The following PLEKHA5 variants were observed in gnomAD, a reference collection of about 807,000 sequenced individuals.
PLEKHA5 encodes the protein pleckstrin homology domain-containing family A member 5.
Under a neutral mutation model 181.9 loss-of-function variants are expected in PLEKHA5, and 55 were observed. The observed-to-expected ratio is 0.30, with a 90% confidence interval of 0.24 to 0.38. PLEKHA5 has a LOEUF of 0.38. Ranked by LOEUF, PLEKHA5 falls within the 10% of genes least tolerant of loss-of-function variation. The pLI is 1.00. For missense variants in PLEKHA5, 1,432 were observed against 1,549.5 expected (o/e 0.92, Z 1.27); for synonymous variants, 535 against 529.4 (o/e 1.01, Z -0.15).
chr12:19,203,247 C>T (rs1348952434), intron 3 of PLEKHA5, among the ~76,000 whole-genome samples: 1 of 151,898 alleles, frequency 6.6e-6, no homozygotes, highest in Non-Finnish European at 1.5e-5. Flanking sequence ...CTGGAATTAC[C>T]ACCTCTTTAC....
At chr12:19,302,974 T>C (rs887953220) in intron 15 of PLEKHA5, among the ~76,000 whole-genome samples, 1 of 126,294 alleles carries the variant, frequency 7.9e-6, no homozygotes, top group Admixed American at 1.0e-4. Flanking sequence ...CGGACTGGAG[T>C]GCAGCAGCGC....
chr12:19,313,795 A>G (rs1431071404), intron 15 of PLEKHA5, among the ~76,000 whole-genome samples: 2 of 152,164 alleles, frequency 1.3e-5, no homozygotes, highest in Middle Eastern at 3.2e-3. Flanking sequence ...AACAAATTTT[A>G]TTGGCAATTA....
At chr12:19,200,176 G>T in intron 3 of PLEKHA5, 1 of 570,860 alleles carries the variant, frequency 1.8e-6, no homozygotes, top group South Asian at 2.4e-5. Context: ...TGAGGTGATG[G>T]ATCCCCTCAA....
intron 3 of PLEKHA5, among the ~76,000 whole-genome samples, chr12:19,242,622 A>G (rs1286594846): frequency 6.6e-6 from 1 of 152,104 alleles, no homozygotes; most frequent in Non-Finnish European, 1.5e-5. Context: ...ATCAGTGAAA[A>G]ACCAAATCCT....
At chr12:19,180,065 A>C (rs920060624) in intron 3 of PLEKHA5, among the ~76,000 whole-genome samples, 1 of 152,114 alleles carries the variant, frequency 6.6e-6, no homozygotes, top group Admixed American at 6.5e-5. Context: ...CTGCTCTCAA[A>C]ACACACACAT....
chr12:19,369,781 T>A lies in PLEKHA5; in HGVS notation c.3843T>A (p.Cys1281Ter). 6.3e-7 allele frequency: 1 copy of A among 1,596,734 alleles called. No individual in the cohort carries two copies. Among genetic ancestry groups the A allele is most frequent in the Non-Finnish European group, 8.6e-7 (1 of 1,167,988 alleles). The change falls in exon 31 of 32, where the codon TGT becomes TGA. Residue 1281 changes from cysteine to a stop codon, truncating the protein, a stop_gained. Coordinates refer to ENST00000429027, the MANE Select transcript of PLEKHA5 (RefSeq NM_001256470.2). LOFTEE classifies it high-confidence loss of function. ...PQLTEGSHFM[C>*]V The stretch of plus-strand genomic sequence containing the variant: ...TCACAGAAGGATCACATTTCATGTG[T>A]GTGTAGTCTTAGAAGAAGTACGTCA...
chr12:19,279,034 T>G (rs1447872875), intron 11 of PLEKHA5, among the ~76,000 whole-genome samples: 1 of 152,158 alleles, frequency 6.6e-6, no homozygotes, highest in Non-Finnish European at 1.5e-5. Context: ...AGAATAAGTT[T>G]ATGATGAAAT....
chr12:19,336,473 C>T, intron 20 of PLEKHA5, 42 bp from the exon 21 acceptor site: 1 of 1,018,242 alleles, frequency 9.8e-7, no homozygotes, highest in Non-Finnish European at 1.5e-6. Context: ...ACCATAAAAG[C>T]ACATTTTCCC....
chr12:19,250,713 C>T (rs2065055953), intron 3 of PLEKHA5, among the ~76,000 whole-genome samples: 2 of 151,978 alleles, frequency 1.3e-5, no homozygotes, highest in African/African-American at 4.8e-5. Context: ...CATAAAATAT[C>T]TGGCAAGAAT....
At chr12:19,208,703 G>A (rs973913501) in intron 3 of PLEKHA5, among the ~76,000 whole-genome samples, 2 of 152,092 alleles carry the variant, frequency 1.3e-5, no homozygotes, top group Non-Finnish European at 2.9e-5. Context: ...ATTCTAAAAA[G>A]AGAGGATACA....
At chr12:19,363,309 G>A (rs767511534) in intron 29 of PLEKHA5, among the ~76,000 whole-genome samples, 51 of 151,138 alleles carry the variant, frequency 3.4e-4, no homozygotes, top group Non-Finnish European at 5.6e-4. Flanking sequence ...GTGTCACCAC[G>A]CATGGCTAAT....
At chr12:19,131,243 A>G (rs2033729716) in intron 2 of PLEKHA5, among the ~76,000 whole-genome samples, 1 of 152,138 alleles carries the variant, frequency 6.6e-6, no homozygotes, top group African/African-American at 2.4e-5. Context: ...CATTCCGTGA[A>G]TCTGTTAAAG....
At chr12:19,358,513 G>T in intron 27 of PLEKHA5, 76 bp downstream of exon 27, 1 of 933,520 alleles carries the variant, frequency 1.1e-6, no homozygotes, top group South Asian at 1.5e-5. Flanking sequence ...TTACATGATT[G>T]ATAGGTCTTA....
Position 19,174,242 on chromosome 12 carries a change from G to A in PLEKHA5, c.227+41792G>A, listed in dbSNP as rs945677951. ...AACAAGGAGCTTTTAAGAGCAGTGG[G>A]CTCTTAAATAGGTTTCGTTTTTTGT... On this transcript the variant is annotated intron_variant, in intron 3 of 31. Transcript: ENST00000429027. Among the ~76,000 whole-genome samples the A allele has an allele frequency of 3.9e-5, 6 of 152,132 alleles. 1 individual carries two copies. The South Asian group carries it at 1.2e-3, about 32-fold the overall frequency.
At chr12:19,259,113 T>G (rs2067653996) in intron 6 of PLEKHA5, among the ~76,000 whole-genome samples, 1 of 152,098 alleles carries the variant, frequency 6.6e-6, no homozygotes, top group South Asian at 2.1e-4. Context: ...TCCCAGCACT[T>G]TGGGAGGCCG....
intron 3 of PLEKHA5, among the ~76,000 whole-genome samples, chr12:19,173,741 T>C (rs935653482): frequency 1.1e-4 from 17 of 152,224 alleles, no homozygotes; most frequent in Non-Finnish European, 2.2e-4. Flanking sequence ...TTTCTTGTAA[T>C]TAACTTTATC....
chr12:19,251,019 C>G (rs1055961661), intron 3 of PLEKHA5, among the ~76,000 whole-genome samples: 4 of 152,072 alleles, frequency 2.6e-5, no homozygotes, highest in Non-Finnish European at 5.9e-5. Flanking sequence ...TGAAAAAGAC[C>G]CGCATTTTGC....
At chr12:19,355,519 AT>A (rs1242508526) in intron 26 of PLEKHA5, among the ~76,000 whole-genome samples, 1 of 150,952 alleles carries the variant, frequency 6.6e-6, no homozygotes, top group African/African-American at 2.4e-5. Flanking sequence ...ACTCGGCTAA[AT>A]TTTTTTTTCT....
intron 3 of PLEKHA5, among the ~76,000 whole-genome samples, chr12:19,140,175 G>A (rs188409229): frequency 6.6e-6 from 1 of 152,106 alleles, no homozygotes; most frequent in East Asian, 1.9e-4. Context: ...GGATGATGGG[G>A]GAGAGAATGT....
Sources: allele counts gnomAD v4.1 joint callset (sites outside exome capture counted in the v4.1 genomes callset), GRCh38; gene constraint gnomAD v4.1.1; transcripts MANE v1.5; gene names NCBI Gene and HGNC (gene_info 2026-07-23, HGNC 2026-07-21).